Variants in PPARA observed in about 807,000 individuals in gnomAD.
PPARA encodes peroxisome proliferator-activated receptor alpha.
A neutral mutation model predicts 42.2 loss-of-function variants in PPARA; 22 were observed. That is an observed-to-expected ratio of 0.52 (90% CI 0.37 to 0.74). The LOEUF (loss-of-function observed/expected upper bound fraction) is 0.74, where lower values mean the gene tolerates loss of function less well. Among genes scored for constraint, PPARA ranks in the 30% least tolerant of loss-of-function variants. PPARA has a pLI of 0.00. For missense variants in PPARA, 465 were observed against 608.2 expected (o/e 0.76, Z 2.48); for synonymous variants, 242 against 239.3 (o/e 1.01, Z -0.10).
chr22:46,197,388 T>G (rs1569217185), intron 3 of PPARA, among the ~76,000 whole-genome samples: 1 of 152,124 alleles, frequency 6.6e-6, no homozygotes, highest in African/African-American at 2.4e-5. Context: ...CCCCAGCACC[T>G]CAAACATATT....
At chr22:46,177,033 A>AC (rs1461176086) in intron 3 of PPARA, among the ~76,000 whole-genome samples, 197 bp downstream of exon 3, 2 of 152,058 alleles carry the variant, frequency 1.3e-5, no homozygotes, top group African/African-American at 2.4e-5. Flanking sequence ...ACACAGTGAA[A>AC]CCCTGTCTCT....
rs1269913359 is a variant in PPARA, at chr22:46,192,317, A to G, written c.-42-6025A>G. On this transcript the variant is annotated intron_variant, in intron 3 of 8. Coordinates refer to ENST00000407236, the MANE Select transcript of PPARA (RefSeq NM_005036.6). The surrounding 1 kb of genome is among the most constrained non-coding windows in gnomAD (Gnocchi z 4.3). ...AGGAAGAGCTTCTTCTCCCATTTAT[A>G]ACTCATTTTAGCCTAATCTTCCAAA... is the stretch of plus-strand genomic sequence containing the variant. Among the ~76,000 whole-genome samples, 1 of 152,196 alleles carries G rather than the reference A, an allele frequency of 6.6e-6. No homozygotes were observed. The highest frequency in any genetic ancestry group is 1.5e-5 in the Non-Finnish European group (1 of 68,030).
chr22:46,205,360 G>C (rs564367823), intron 4 of PPARA, among the ~76,000 whole-genome samples: 2 of 150,174 alleles, frequency 1.3e-5, no homozygotes, highest in Non-Finnish European at 3.0e-5. Context: ...GAGACTACAG[G>C]TACCTGCCAC....
chr22:46,168,374 AAAAAG>A (rs1284564890), intron 2 of PPARA, among the ~76,000 whole-genome samples: 83 of 148,964 alleles, frequency 5.6e-4, no homozygotes, highest in African/African-American at 2.0e-3. Flanking sequence ...AAAAAAAAAA[AAAAAG>A]AAGAAAGCAT....
chr22:46,158,404 G>GA (rs1369160590), intron 2 of PPARA, among the ~76,000 whole-genome samples: 3 of 152,062 alleles, frequency 2.0e-5, no homozygotes, highest in African/African-American at 7.2e-5. Flanking sequence ...GAGGCCCCAA[G>GA]TTTTTTTGCA....
In PPARA at chr22:46,180,901, G is replaced by C. The variant is rs1569203151; in HGVS notation, c.-43+4065G>C. Among the ~76,000 whole-genome samples, 2 of 152,182 alleles carry C rather than the reference G, an allele frequency of 1.3e-5. No homozygotes were observed. The highest frequency in any genetic ancestry group is 2.9e-5 in the Non-Finnish European group (2 of 68,036). On this transcript the variant is annotated intron_variant, in intron 3 of 8. Coordinates refer to ENST00000407236, the MANE Select transcript of PPARA (RefSeq NM_005036.6). This position sits in a 1 kb window ranked among gnomAD's most constrained non-coding sequence, Gnocchi z 4.2. ...GACCTGGGACCTTTGGTGCCAATGG[G>C]AGGACTTTAGCCCGGAAAGGAGATT...
rs1469600240 is a variant in PPARA, at chr22:46,184,152, G to A, written c.-43+7316G>A. ...ATCAACATCTCTAATTTATTGCAGG[G>A]TTGGATCTGAAAAATGGCTGATGAT... On this transcript the variant is annotated intron_variant, in intron 3 of 8. Coordinates refer to ENST00000407236, the MANE Select transcript of PPARA (RefSeq NM_005036.6). This position sits in a 1 kb window ranked among gnomAD's most constrained non-coding sequence, Gnocchi z 4.4. Among the ~76,000 whole-genome samples the A allele has an allele frequency of 6.6e-6, 1 of 152,152 alleles. No homozygotes were observed. The highest frequency in any genetic ancestry group is 1.5e-5 in the Non-Finnish European group (1 of 68,036).
In PPARA at chr22:46,231,095, A is replaced by C. The variant is rs2147690550; in HGVS notation, c.712-697A>C. ...GTCTTACTCTCGCTCTGTCGCCCAG[A>C]CTGGAGACTGGAGTGCAGTGGCACG... is the stretch of plus-strand genomic sequence containing the variant. On this transcript the variant is annotated intron_variant, in intron 7 of 8. Coordinates refer to ENST00000407236, the MANE Select transcript of PPARA (RefSeq NM_005036.6). The surrounding 1 kb of genome is among the most constrained non-coding windows in gnomAD (Gnocchi z 7.7). 6.6e-6 allele frequency among the ~76,000 whole-genome samples: 1 copy of C among 152,020 alleles called. No individual in the cohort carries two copies. The highest frequency in any genetic ancestry group is 1.9e-4 in the East Asian group (1 of 5,164).
At chr22:46,172,540 C>T (rs1392317914) in intron 2 of PPARA, among the ~76,000 whole-genome samples, 1 of 152,102 alleles carries the variant, frequency 6.6e-6, no homozygotes, top group Non-Finnish European at 1.5e-5. Flanking sequence ...ATCACTTGAA[C>T]CTGGGAGGTG....
At chr22:46,202,966 A>G (rs1932918283) in intron 4 of PPARA, among the ~76,000 whole-genome samples, 2 of 152,126 alleles carry the variant, frequency 1.3e-5, no homozygotes, top group South Asian at 4.1e-4. Flanking sequence ...AAAGAAAAAA[A>G]AGGGGAACTT....
rs1349202121 is a variant in PPARA, at chr22:46,196,419, T to G, written c.-42-1923T>G. 6.6e-6 allele frequency among the ~76,000 whole-genome samples: 1 copy of G among 152,336 alleles called. No homozygotes were observed. The highest frequency in any genetic ancestry group is 1.9e-4 in the East Asian group (1 of 5,180). On this transcript the variant is annotated intron_variant, in intron 3 of 8. Coordinates refer to ENST00000407236, the MANE Select transcript of PPARA (RefSeq NM_005036.6). This position sits in a 1 kb window ranked among gnomAD's most constrained non-coding sequence, Gnocchi z 5.6. The stretch of plus-strand genomic sequence containing the variant: ...AAGTGGATGTCACACCCAGCACACA[T>G]GCCACCGGCTTGGCCCTGCGCCCCG...
rs1471307889 is a variant in PPARA at position 46,200,811 on chromosome 22, TA to T, written c.208+2221del. Among the ~76,000 whole-genome samples, 1 of 151,896 alleles carries T rather than the reference TA, an allele frequency of 6.6e-6. No homozygotes were observed. Among genetic ancestry groups the T allele is most frequent in the Non-Finnish European group, 1.5e-5 (1 of 67,980 alleles). ...CAGGTGCCTGTAATCCCAGCTACTC[TA>T]CTCAGGAGGCTGAGGCAGGGAGAAT... On this transcript the variant is annotated intron_variant, in intron 4 of 8. Coordinates refer to ENST00000407236, the MANE Select transcript of PPARA (RefSeq NM_005036.6). The surrounding 1 kb of genome is among the most constrained non-coding windows in gnomAD (Gnocchi z 4.8).
intron 4 of PPARA, among the ~76,000 whole-genome samples, chr22:46,205,544 ATATATATATATTTTTTTTTT>A (rs1447066021): frequency 6.6e-5 from 2 of 30,290 alleles, no homozygotes; most frequent in African/African-American, 3.4e-4. Context: ...ATATATATAT[ATATATATATATTTTTTTTTT>A]TTTTTTTTTT....
chr22:46,171,904 G>T lies in PPARA; in HGVS notation c.-126-4849G>T, dbSNP rs1009575886. On this transcript the variant is annotated intron_variant, in intron 2 of 8. Coordinates refer to ENST00000407236, the MANE Select transcript of PPARA (RefSeq NM_005036.6). This position sits in a 1 kb window ranked among gnomAD's most constrained non-coding sequence, Gnocchi z 5.0. The stretch of plus-strand genomic sequence containing the variant: ...GCTAAAAAGCCCCCTTGGGCAGCTT[G>T]CAGGGCCCGGGCAGAAGCTATAGGT... 5.9e-5 allele frequency among the ~76,000 whole-genome samples: 9 copies of T among 152,172 alleles called. No homozygotes were observed. Among genetic ancestry groups the T allele is most frequent in the South Asian group, 2.1e-4 (1 of 4,832 alleles).
chr22:46,158,516 C>T (rs562419063), intron 2 of PPARA, among the ~76,000 whole-genome samples: 5 of 152,314 alleles, frequency 3.3e-5, no homozygotes, highest in South Asian at 4.1e-4. Context: ...GAGGTTGACA[C>T]GTGGATATGT....
rs145524460 is a variant in PPARA at position 46,184,763 on chromosome 22, G to A, written c.-43+7927G>A. Reference sequence around the variant, plus strand: ...CCAGCTATTCGGGAGGCTGAGGCACGAGAATTGCTTTAACCTGGGAGGTGG... The same window carrying A: ...CCAGCTATTCGGGAGGCTGAGGCACAAGAATTGCTTTAACCTGGGAGGTGG... On this transcript the variant is annotated intron_variant, in intron 3 of 8. Transcript: ENST00000407236. The surrounding 1 kb of genome is among the most constrained non-coding windows in gnomAD (Gnocchi z 4.4). Among the ~76,000 whole-genome samples, 488 of 152,350 alleles carry A rather than the reference G, an allele frequency of 3.2e-3. 3 individuals are homozygous for A. The highest frequency in any genetic ancestry group is 6.8e-3 in the Middle Eastern group (2 of 294).
Position 46,196,487 on chromosome 22 carries a change from C to A in PPARA, c.-42-1855C>A, listed in dbSNP as rs117218157. ...GCTGCCTGTTCCTGGAATGTGCCAA[C>A]ATGTTTCAGTCCTGGAGCCTTTGCA... On this transcript the variant is annotated intron_variant, in intron 3 of 8. Transcript: ENST00000407236. The surrounding 1 kb of genome is among the most constrained non-coding windows in gnomAD (Gnocchi z 5.6). Among the ~76,000 whole-genome samples, 1 of 152,348 alleles carries A rather than the reference C, an allele frequency of 6.6e-6. No individual in the cohort carries two copies. Among genetic ancestry groups the A allele is most frequent in the Non-Finnish European group, 1.5e-5 (1 of 68,032 alleles).
chr22:46,157,930 CT>C (rs1182964809), intron 2 of PPARA, among the ~76,000 whole-genome samples: 1 of 152,098 alleles, frequency 6.6e-6, no homozygotes, highest in Non-Finnish European at 1.5e-5. Flanking sequence ...TATATTTTAA[CT>C]TATAGACCAC....
chr22:46,224,123 C>T lies in PPARA; in HGVS notation c.711+4109C>T, dbSNP rs1476745575. 2.6e-5 allele frequency among the ~76,000 whole-genome samples: 4 copies of T among 152,180 alleles called. No individual in the cohort carries two copies. Among genetic ancestry groups the T allele is most frequent in the East Asian group, 3.9e-4 (2 of 5,194 alleles). On this transcript the variant is annotated intron_variant, in intron 7 of 8. Transcript: ENST00000407236. This position sits in a 1 kb window ranked among gnomAD's most constrained non-coding sequence, Gnocchi z 5.7. Reference sequence around the variant, plus strand: ...TACCAGTTTTCAAGGCAACCTCCAACCATCATGTGACTCTTTGTGTTTGAT... The same window carrying T: ...TACCAGTTTTCAAGGCAACCTCCAATCATCATGTGACTCTTTGTGTTTGAT...
Sources: allele counts gnomAD v4.1 joint callset (sites outside exome capture counted in the v4.1 genomes callset), GRCh38; gene constraint gnomAD v4.1.1; non-coding constraint Gnocchi (gnomAD v3.1); transcripts MANE v1.5; gene names NCBI Gene and HGNC (gene_info 2026-07-23, HGNC 2026-07-21).